Variants in MAN2A1 observed in about 807,000 individuals in gnomAD.
The protein encoded by MAN2A1 is mannosidase alpha class 2A member 1.
Under a neutral mutation model 142.6 loss-of-function variants are expected in MAN2A1, and 76 were observed. That is an observed-to-expected ratio of 0.53 (90% CI 0.44 to 0.65). MAN2A1 has a LOEUF of 0.65. Ranked by LOEUF, MAN2A1 falls within the 30% of genes least tolerant of loss-of-function variation. MAN2A1 has a pLI of 0.00. For missense variants in MAN2A1, 1,311 were observed against 1,365.1 expected (o/e 0.96, Z 0.62); for synonymous variants, 559 against 473.2 (o/e 1.18, Z -2.35).
chr5:109,784,704 T>G, intron 9 of MAN2A1, 40 bp from the exon 10 acceptor site: 3 of 1,457,910 alleles, frequency 2.1e-6, no homozygotes, highest in Non-Finnish European at 2.8e-6. Context: ...TAAGCTAAAG[T>G]GTTTGTTTTA....
In MAN2A1 at chr5:109,855,154, G is replaced by C. The variant is rs1340120138; in HGVS notation, c.2991G>C (p.Lys997Asn). ...RSAVNTEEEK[K>N]SVSYPSLLSH... ...TTTCTTGATAGGAAGAAGAAAAGAAGTCGGTCAGTTATCCTTCTCTCCTTA... is the reference window on the plus strand; with the variant it reads ...TTTCTTGATAGGAAGAAGAAAAGAACTCGGTCAGTTATCCTTCTCTCCTTA... The change falls in exon 20 of 22, where the codon AAG becomes AAC. Residue 997 changes from lysine to asparagine, a missense_variant. Transcript: ENST00000261483. The C allele has an allele frequency of 6.5e-7, 1 of 1,545,088 alleles. No individual in the cohort carries two copies. Among genetic ancestry groups the C allele is most frequent in the East Asian group, 2.5e-5 (1 of 40,180 alleles).
intron 16 of MAN2A1, among the ~76,000 whole-genome samples, chr5:109,824,150 A>T (rs1024137054): frequency 1.3e-5 from 2 of 152,180 alleles, no homozygotes; most frequent in Non-Finnish European, 2.9e-5. Context: ...TATGAAATGG[A>T]AATTATATTA....
At chr5:109,761,236 A>C (rs1187903077) in intron 5 of MAN2A1, among the ~76,000 whole-genome samples, 2 of 151,694 alleles carry the variant, frequency 1.3e-5, no homozygotes, top group African/African-American at 2.4e-5. Flanking sequence ...ATGTCTGTTT[A>C]GTATTTTATT....
chr5:109,820,187 G>A (rs1418462363), intron 14 of MAN2A1, 33 bp from the exon 15 acceptor site: 1 of 1,558,796 alleles, frequency 6.4e-7, no homozygotes, highest in Non-Finnish European at 8.8e-7. Context: ...TCTTAGTGGT[G>A]AGTTGCTTAT....
intron 12 of MAN2A1, among the ~76,000 whole-genome samples, chr5:109,801,609 G>A (rs1456029329): frequency 6.6e-6 from 1 of 152,160 alleles, no homozygotes; most frequent in Admixed American, 6.6e-5. Context: ...AGATCAAAAA[G>A]CAGCTACCAG....
chr5:109,816,057 T>C (rs538502241), intron 12 of MAN2A1, among the ~76,000 whole-genome samples: 3 of 152,184 alleles, frequency 2.0e-5, no homozygotes, highest in Admixed American at 6.5e-5. Context: ...AAGTCTGCAA[T>C]GTGATGGTCT....
chr5:109,828,386 A>G (rs901960654), intron 16 of MAN2A1, among the ~76,000 whole-genome samples: 4 of 152,226 alleles, frequency 2.6e-5, no homozygotes, highest in Non-Finnish European at 5.9e-5. Flanking sequence ...ATAGAATATA[A>G]TACAAACAGA....
Position 109,867,595 on chromosome 5 carries a change from A to G in MAN2A1, c.*597A>G, listed in dbSNP as rs55968726. 27,946 of 152,458 alleles carry G rather than the reference A, an allele frequency of 0.18. 3,405 individuals are homozygous for G. The highest frequency in any genetic ancestry group is 0.64 in the East Asian group (3,277 of 5,158). The allele number at this position is 152,458 out of a possible 1,614,324, so 9.4% of individuals were successfully genotyped here. A position where few individuals can be genotyped will look rare whatever the true frequency, so the allele number is the denominator to read the frequency against. Reference sequence around the variant, plus strand: ...TTCTCCTTCCCTTCCTACCCTTTCTAAGTATTTCCAGAAATACCTGATTTT... The same window carrying G: ...TTCTCCTTCCCTTCCTACCCTTTCTGAGTATTTCCAGAAATACCTGATTTT... On this transcript the variant is annotated 3_prime_UTR_variant, in exon 22 of 22. Transcript: ENST00000261483.
intron 16 of MAN2A1, among the ~76,000 whole-genome samples, chr5:109,828,578 C>T (rs968532686): frequency 8.5e-5 from 13 of 152,152 alleles, no homozygotes; most frequent in Non-Finnish European, 1.9e-4. Context: ...AGAATTAGGT[C>T]ACTGTGGGTA....
intron 1 of MAN2A1, among the ~76,000 whole-genome samples, chr5:109,702,677 A>G (rs550236131): frequency 6.6e-6 from 1 of 152,236 alleles, no homozygotes; most frequent in Non-Finnish European, 1.5e-5. Context: ...GATCCAACCA[A>G]TAATTGTTTT....
chr5:109,766,191 A>G (rs1300011896), intron 5 of MAN2A1, among the ~76,000 whole-genome samples: 1 of 152,138 alleles, frequency 6.6e-6, no homozygotes, highest in Non-Finnish European at 1.5e-5. Context: ...CATAGGGTAC[A>G]TTCCAGTCTT....
intron 20 of MAN2A1, among the ~76,000 whole-genome samples, chr5:109,857,173 T>A (rs545611708): frequency 2.0e-5 from 3 of 152,244 alleles, no homozygotes; most frequent in African/African-American, 7.2e-5. Context: ...CGGAGAGATA[T>A]GTGGCCAGAA....
At chr5:109,839,541 G>T (rs1458806269) in intron 16 of MAN2A1, among the ~76,000 whole-genome samples, 1 of 150,370 alleles carries the variant, frequency 6.7e-6, no homozygotes, top group Non-Finnish European at 1.5e-5. Context: ...GCTGGGTGCA[G>T]TGGCACATGC....
intron 10 of MAN2A1, among the ~76,000 whole-genome samples, chr5:109,788,478 A>G (rs1043380643): frequency 4.6e-5 from 7 of 151,882 alleles, no homozygotes; most frequent in African/African-American, 1.4e-4. Context: ...CAAAACATCT[A>G]TTTTAATTCT....
intron 12 of MAN2A1, 46 bp from the exon 13 acceptor site, chr5:109,817,227 G>A (rs781455770): frequency 1.9e-6 from 3 of 1,548,650 alleles, no homozygotes; most frequent in Non-Finnish European, 2.7e-6. Context: ...TATGTAAGAA[G>A]TAAAAATATT....
chr5:109,806,142 G>T (rs972779589), intron 12 of MAN2A1, among the ~76,000 whole-genome samples: 1 of 152,128 alleles, frequency 6.6e-6, no homozygotes, highest in African/African-American at 2.4e-5. Context: ...AGAGAGGCAG[G>T]GGGAGGGTAA....
chr5:109,866,496 T>C (rs1316520020), intron 21 of MAN2A1, among the ~76,000 whole-genome samples: 1 of 152,172 alleles, frequency 6.6e-6, no homozygotes, highest in Non-Finnish European at 1.5e-5. Flanking sequence ...TGGAGGTCCT[T>C]TCTTTTATTG....
chr5:109,820,234 A>G lies in MAN2A1; in HGVS notation c.2343A>G (p.Lys781=). ...QTGLMKQMMT[K]EDGKHHEVNV... ...TTAATCTTTAGCAAATGATGACTAA[A>G]GAAGATGGTAAACACCATGAAGTAA... is the stretch of plus-strand genomic sequence containing the variant. Residue 781 remains lysine, a synonymous_variant, in exon 15 of 22, where the codon AAA becomes AAG. Coordinates refer to ENST00000261483, the MANE Select transcript of MAN2A1 (RefSeq NM_002372.4). 1 of 1,607,200 alleles carries G rather than the reference A, an allele frequency of 6.2e-7. No homozygotes were observed. Among genetic ancestry groups the G allele is most frequent in the Admixed American group, 1.7e-5 (1 of 59,616 alleles).
intron 1 of MAN2A1, among the ~76,000 whole-genome samples, chr5:109,694,097 G>A (rs1307241731): frequency 6.6e-6 from 1 of 152,136 alleles, no homozygotes; most frequent in Non-Finnish European, 1.5e-5. Flanking sequence ...TGGATCTGGA[G>A]AAGTAAATTA....
Sources: allele counts gnomAD v4.1 joint callset (sites outside exome capture counted in the v4.1 genomes callset), GRCh38; gene constraint gnomAD v4.1.1; transcripts MANE v1.5; gene names NCBI Gene and HGNC (gene_info 2026-07-23, HGNC 2026-07-21).